TDRD7: variants seen among roughly 807,000 people sequenced by gnomAD.
The protein encoded by TDRD7 is tudor domain-containing protein 7.
In TDRD7, 47 loss-of-function variants were observed where a neutral mutation model predicts 109.8. That is an observed-to-expected ratio of 0.43 (90% CI 0.34 to 0.55). The LOEUF (loss-of-function observed/expected upper bound fraction) is 0.55. Among genes scored for constraint, TDRD7 ranks in the 20% least tolerant of loss-of-function variants. The pLI is 0.03. For synonymous variants in TDRD7, 424 were observed against 457.3 expected, an observed-to-expected ratio of 0.93 and a Z score of 0.93; for missense variants, 1,164 against 1,319.2, an observed-to-expected ratio of 0.88 and a Z score of 1.82.
chr9:97,494,696 A>ATG (rs1829364601), intron 16 of TDRD7, among the ~76,000 whole-genome samples: 1 of 32,324 alleles, frequency 3.1e-5, no homozygotes, highest in Admixed American at 4.6e-4. Context: ...ATATATATGT[A>ATG]TATATATATA....
intron 6 of TDRD7, among the ~76,000 whole-genome samples, chr9:97,455,852 G>C (rs1322395864): frequency 6.6e-6 from 1 of 152,102 alleles, no homozygotes; most frequent in African/African-American, 2.4e-5. Context: ...AGAAATAAAG[G>C]GTATTCAAAT....
chr9:97,460,335 C>T lies in TDRD7; in HGVS notation c.1013C>T (p.Ala338Val). The T allele has an allele frequency of 1.2e-6, 2 of 1,614,158 alleles. No homozygotes were observed. The highest frequency in any genetic ancestry group is 1.6e-4 in the Middle Eastern group (1 of 6,062). ...TTGAAAGGGTGTCCAACAGTTATGG[C>T]AGGAGACTTTAAAGAAAAAGTGGCA... ...PPLKGCPTVM[A>V]GDFKEKVADL... The change falls in exon 7 of 17, where the codon GCA becomes GTA. Residue 338 changes from alanine (A) to valine (V), a missense_variant. Coordinates refer to ENST00000355295, the MANE Select transcript of TDRD7 (RefSeq NM_014290.3).
chr9:97,450,371 T>TA (rs2118423437), intron 6 of TDRD7, among the ~76,000 whole-genome samples: 1 of 152,288 alleles, frequency 6.6e-6, no homozygotes, highest in South Asian at 2.1e-4. Context: ...CCTCCTTAGG[T>TA]ATATGCCTGA....
chr9:97,478,823 C>G (rs1045856028), intron 13 of TDRD7, among the ~76,000 whole-genome samples: 32 of 152,290 alleles, frequency 2.1e-4, no homozygotes, highest in African/African-American at 7.7e-4. Flanking sequence ...CTGTGTTGTC[C>G]AGTTACAGGT....
chr9:97,473,675 CA>C, intron 11 of TDRD7, 49 bp downstream of exon 11: 2 of 1,610,730 alleles, frequency 1.2e-6, no homozygotes, highest in Non-Finnish European at 1.7e-6. Context: ...AAATTACAAG[CA>C]AGAGTAATTT....
At chr9:97,440,454 A>G (rs1222679575) in intron 5 of TDRD7, among the ~76,000 whole-genome samples, 1 of 152,240 alleles carries the variant, frequency 6.6e-6, no homozygotes, top group Non-Finnish European at 1.5e-5. Context: ...GTTATGAGAA[A>G]CTTAATCTTT....
chr9:97,468,501 T>C (rs1828856205), intron 8 of TDRD7, among the ~76,000 whole-genome samples: 1 of 152,230 alleles, frequency 6.6e-6, no homozygotes, highest in South Asian at 2.1e-4. Flanking sequence ...AATCCGGGCC[T>C]GAACTTGTTC....
At chr9:97,495,271 T>A (rs184371389) in intron 16 of TDRD7, among the ~76,000 whole-genome samples, 28 of 152,334 alleles carry the variant, frequency 1.8e-4, no homozygotes, top group African/African-American at 4.1e-4. Flanking sequence ...TCTTTTTTTT[T>A]ATGATATTTG....
chr9:97,495,875 G>C lies in TDRD7; in HGVS notation c.3289G>C (p.Val1097Leu), dbSNP rs750701741. 6.2e-7 allele frequency: 1 copy of C among 1,613,610 alleles called. No individual in the cohort carries two copies. Among genetic ancestry groups the C allele is most frequent in the Admixed American group, 1.7e-5 (1 of 60,030 alleles). ...MSEYLIELSK[V>L]N ...AGAGTATCTGATAGAGCTTTCAAAA[G>C]TTAATTAATGACTGCCTCTGAAACC... The change falls in exon 17 of 17, where the codon GTT becomes CTT. Residue 1097 changes from valine to leucine, a missense_variant. Val to Leu is a conservative substitution (Grantham distance 32). This residue lies in a region of TDRD7 where 162 missense variants were observed against 222.5 expected (regional missense o/e 0.73). Transcript: ENST00000355295.
intron 3 of TDRD7, among the ~76,000 whole-genome samples, chr9:97,431,435 G>A (rs1022874750): frequency 1.3e-5 from 2 of 151,994 alleles, no homozygotes; most frequent in African/African-American, 4.8e-5. Flanking sequence ...TATGTCTTCT[G>A]GTAGAAAACC....
At chr9:97,421,447 G>A in intron 1 of TDRD7, among the ~76,000 whole-genome samples, 1 of 152,082 alleles carries the variant, frequency 6.6e-6, no homozygotes, top group Admixed American at 6.6e-5. Flanking sequence ...TTATTATTGA[G>A]TTTTGAGTAT....
chr9:97,476,437 A>G (rs1444308472), intron 12 of TDRD7, among the ~76,000 whole-genome samples: 1 of 151,670 alleles, frequency 6.6e-6, no homozygotes, highest in Non-Finnish European at 1.5e-5. Flanking sequence ...CTCTTCATCT[A>G]GTTTGAGGTG....
At chr9:97,487,667 G>C (rs187573540) in intron 16 of TDRD7, among the ~76,000 whole-genome samples, 9 of 151,550 alleles carry the variant, frequency 5.9e-5, no homozygotes, top group Non-Finnish European at 1.2e-4. Context: ...TTTCTGGGTG[G>C]TTTTATGGTT....
chr9:97,414,588 G>T (rs1303289961), intron 1 of TDRD7, among the ~76,000 whole-genome samples: 2 of 152,152 alleles, frequency 1.3e-5, no homozygotes, highest in Admixed American at 6.5e-5. Context: ...TATTATCTCA[G>T]GGTTTTTTCG....
At chr9:97,425,400 T>C (rs1827970441) in intron 1 of TDRD7, among the ~76,000 whole-genome samples, 1 of 152,200 alleles carries the variant, frequency 6.6e-6, no homozygotes, top group African/African-American at 2.4e-5. Flanking sequence ...GTACTTACCA[T>C]TGTGTTAAAA....
At chr9:97,465,062 A>T (rs1828799598) in intron 8 of TDRD7, 34 bp downstream of exon 8, 2 of 1,595,928 alleles carry the variant, frequency 1.3e-6, no homozygotes, top group Non-Finnish European at 1.7e-6. Flanking sequence ...AGCATTATGG[A>T]TACAAATACC....
rs746982474 is a variant in TDRD7, at chr9:97,478,537, T to A, written c.2265T>A (p.Pro755=). 1 of 1,614,026 alleles carries A rather than the reference T, an allele frequency of 6.2e-7. No homozygotes were observed. Among genetic ancestry groups the A allele is most frequent in the African/African-American group, 1.3e-5 (1 of 75,004 alleles). The change falls in exon 13 of 17, where the codon CCT becomes CCA. Residue 755 remains proline (P), a synonymous_variant. Transcript: ENST00000355295. The part of the protein sequence containing the change: ...VKVSELREIP[P]RFLQEMIAIP... ...TGTCAGAGCTCAGGGAAATTCCACC[T>A]CGGTTTCTACAAGAAATGATTGCAA...
intron 13 of TDRD7, among the ~76,000 whole-genome samples, chr9:97,479,162 A>G (rs1829072840): frequency 6.6e-6 from 1 of 152,254 alleles, no homozygotes; most frequent in Admixed American, 6.5e-5. Flanking sequence ...GCGGTATTCT[A>G]CAACTTCAAG....
chr9:97,494,754 T>A (rs1453331136), intron 16 of TDRD7, among the ~76,000 whole-genome samples: 1 of 150,130 alleles, frequency 6.7e-6, no homozygotes, highest in African/African-American at 2.4e-5. Flanking sequence ...TCACCCAGGC[T>A]GGATGGAGTA....
Sources: gnomAD v4.1 joint callset for allele counts (sites outside exome capture counted in the v4.1 genomes callset) on GRCh38, gnomAD v4.1.1 for gene constraint, gnomAD v4.1.1 regional missense constraint, MANE v1.5 for transcripts, NCBI Gene and HGNC (gene_info 2026-07-23, HGNC 2026-07-21) for gene names.